Variants in CUX2 observed in about 807,000 individuals in gnomAD.
CUX2 encodes homeobox protein cut-like 2.
In CUX2, 40 loss-of-function variants were observed where a neutral mutation model predicts 144.8. The observed-to-expected ratio is 0.28, with a 90% CI of 0.21 to 0.36. The LOEUF is 0.36. CUX2 is among the 10% of genes least tolerant of loss of function. CUX2 has a pLI of 1.00. For missense variants in CUX2, 1,615 were observed against 1,994.0 expected, an observed-to-expected ratio of 0.81 and a Z score of 3.62; for synonymous variants, 827 against 875.6, an observed-to-expected ratio of 0.94 and a Z score of 0.98.
At chr12:111,200,955 G>A (rs1348801815) in intron 1 of CUX2, among the ~76,000 whole-genome samples, 3 of 152,140 alleles carry the variant, frequency 2.0e-5, no homozygotes, top group East Asian at 1.9e-4. Context: ...GTAAACCCTC[G>A]AGGCATCCTT....
intron 1 of CUX2, among the ~76,000 whole-genome samples, chr12:111,163,218 G>A (rs2136154262): frequency 6.6e-6 from 1 of 152,196 alleles, no homozygotes; most frequent in Non-Finnish European, 1.5e-5. Context: ...ACTATATCTG[G>A]CATATAGTAC....
chr12:111,038,708 C>G (rs561203698), intron 1 of CUX2, among the ~76,000 whole-genome samples: 1 of 152,368 alleles, frequency 6.6e-6, no homozygotes, highest in Non-Finnish European at 1.5e-5. Context: ...CAAAAACGGG[C>G]TCTCTCTTTG....
chr12:111,253,193 C>T (rs988357162), intron 3 of CUX2, among the ~76,000 whole-genome samples: 5 of 152,126 alleles, frequency 3.3e-5, no homozygotes, highest in African/African-American at 7.2e-5. Context: ...TGTTAAAACG[C>T]GTGTCAGATC....
In CUX2 at chr12:111,322,402, C is replaced by T. The variant is rs1431865711; in HGVS notation, c.2767-19C>T. On this transcript the variant is annotated intron_variant, in intron 17 of 21. Transcript: ENST00000261726. This position sits in a 1 kb window ranked among gnomAD's most constrained non-coding sequence, Gnocchi z 4.2. Reference sequence around the variant, plus strand: ...TCCCAGGGGCCTGCTGACCTACCCCCCTGGCCCGCCCCTCGCAGGTGCTGG... The same window carrying T: ...TCCCAGGGGCCTGCTGACCTACCCCTCTGGCCCGCCCCTCGCAGGTGCTGG... 3.2e-6 allele frequency: 5 copies of T among 1,545,264 alleles called. No individual in the cohort carries two copies. Among genetic ancestry groups the T allele is most frequent in the Admixed American group, 2.0e-5 (1 of 50,802 alleles).
intron 18 of CUX2, among the ~76,000 whole-genome samples, chr12:111,324,433 G>A (rs1887680169): frequency 6.6e-6 from 1 of 151,860 alleles, no homozygotes; most frequent in African/African-American, 2.4e-5. Flanking sequence ...GGCAGGGAGG[G>A]GGCCAGGAAG....
chr12:111,219,986 A>G (rs1479480111), intron 3 of CUX2, among the ~76,000 whole-genome samples: 1 of 152,132 alleles, frequency 6.6e-6, no homozygotes, highest in Non-Finnish European at 1.5e-5. Context: ...TCTATTAAAA[A>G]TACAAAAATT....
At chr12:111,259,915 G>A (rs1005319784) in intron 3 of CUX2, among the ~76,000 whole-genome samples, 1 of 151,858 alleles carries the variant, frequency 6.6e-6, no homozygotes, top group Non-Finnish European at 1.5e-5. Context: ...AAAATTATTG[G>A]CTTTGGGAGG....
At chr12:111,316,638 C>G (rs998578009) in intron 16 of CUX2, among the ~76,000 whole-genome samples, 1 of 151,764 alleles carries the variant, frequency 6.6e-6, no homozygotes, top group Non-Finnish European at 1.5e-5. Context: ...TTAGTAGAGA[C>G]GGGGTTTCAC....
In CUX2 at chr12:111,067,924, C is replaced by T. The variant is rs925957498; in HGVS notation, c.63+33684C>T. Reference sequence around the variant, plus strand: ...TGAACCACCCTGAGAAATAAGGTCCCGCGCAGAGCTTCAGCAGATGTGGAA... The same window carrying T: ...TGAACCACCCTGAGAAATAAGGTCCTGCGCAGAGCTTCAGCAGATGTGGAA... On this transcript the variant is annotated intron_variant, in intron 1 of 21. Transcript: ENST00000261726. Among the ~76,000 whole-genome samples the T allele has an allele frequency of 3.9e-5, 6 of 152,130 alleles. No homozygotes were observed. The South Asian group carries it at 6.2e-4, about 16-fold the overall frequency.
intron 3 of CUX2, among the ~76,000 whole-genome samples, chr12:111,228,676 G>A (rs1049532569): frequency 2.6e-5 from 4 of 151,800 alleles, no homozygotes; most frequent in African/African-American, 9.7e-5. Context: ...CACTTGCCTC[G>A]GCCTCCCCAA....
intron 2 of CUX2, among the ~76,000 whole-genome samples, chr12:111,216,783 T>C (rs1295099297): frequency 1.4e-5 from 2 of 145,106 alleles, no homozygotes; most frequent in East Asian, 5.9e-4. Flanking sequence ...CATACATCAG[T>C]CTATCAATCA....
At chr12:111,326,672 G>C (rs1592972683) in intron 18 of CUX2, among the ~76,000 whole-genome samples, 1 of 152,178 alleles carries the variant, frequency 6.6e-6, no homozygotes, top group East Asian at 1.9e-4. Context: ...GGGAGGCCGA[G>C]GCGGGCCGAT....
In CUX2 at chr12:111,182,247, G is replaced by T. The variant is rs534225051; in HGVS notation, c.64-31953G>T. 2.0e-5 allele frequency among the ~76,000 whole-genome samples: 3 copies of T among 152,326 alleles called. No homozygotes were observed. In the South Asian group the frequency reaches 6.2e-4, roughly 32 times the overall value. On this transcript the variant is annotated intron_variant, in intron 1 of 21. Coordinates refer to ENST00000261726, the MANE Select transcript of CUX2 (RefSeq NM_015267.4). ...TAGGGCCCCGGGGAGGTTATCCATAGTGATCAGAGCTCAAAGGTTGGCACC... is the reference window on the plus strand; with the variant it reads ...TAGGGCCCCGGGGAGGTTATCCATATTGATCAGAGCTCAAAGGTTGGCACC...
At chr12:111,067,939 C>G (rs750289192) in intron 1 of CUX2, among the ~76,000 whole-genome samples, 6 of 152,192 alleles carry the variant, frequency 3.9e-5, no homozygotes, top group Non-Finnish European at 8.8e-5. Flanking sequence ...AGAGCTTCAG[C>G]AGATGTGGAA....
intron 3 of CUX2, among the ~76,000 whole-genome samples, chr12:111,261,028 T>C (rs1592894479): frequency 1.3e-5 from 2 of 152,332 alleles, no homozygotes; most frequent in African/African-American, 4.8e-5. Context: ...GCAGCTGTAG[T>C]TGGCTTGTAA....
In CUX2 at chr12:111,295,337, C is replaced by T. The variant is rs1885916043; in HGVS notation, c.565C>T (p.Leu189Phe). 6.2e-7 allele frequency: 1 copy of T among 1,612,704 alleles called. No individual in the cohort carries two copies. Among genetic ancestry groups the T allele is most frequent in the Non-Finnish European group, 8.5e-7 (1 of 1,179,472 alleles). ...QRNEAEKQKG[L>F]QEVQITLAAR... ...GCAGGCCTCGTCTCTCCGCAGGGGC[C>T]TTCAAGAAGTACAGATCACTTTGGC... Residue 189 changes from leucine (L) to phenylalanine (F), a missense_variant, in exon 7 of 22, where the codon CTT becomes TTT. Leu to Phe is a conservative substitution (Grantham distance 22, BLOSUM62 0). This residue lies in a region of CUX2 where 295 missense variants were observed against 400.2 expected (regional missense o/e 0.74). Coordinates refer to ENST00000261726, the MANE Select transcript of CUX2 (RefSeq NM_015267.4). This position sits in a 1 kb window ranked among gnomAD's most constrained non-coding sequence, Gnocchi z 5.0.
chr12:111,250,858 A>C (rs1223790604), intron 3 of CUX2, among the ~76,000 whole-genome samples: 1 of 152,214 alleles, frequency 6.6e-6, no homozygotes, highest in East Asian at 1.9e-4. Flanking sequence ...CCCAGAGCCC[A>C]TGAAAGTGGA....
At chr12:111,302,913 A>G (rs1205865846) in intron 9 of CUX2, among the ~76,000 whole-genome samples, 6 of 148,524 alleles carry the variant, frequency 4.0e-5, no homozygotes, top group East Asian at 2.0e-4. Flanking sequence ...AAAAAAAAAA[A>G]AAAAAGAAAA....
In CUX2 at chr12:111,171,714, C is replaced by T. The variant is rs1878533711; in HGVS notation, c.64-42486C>T. Among the ~76,000 whole-genome samples the T allele has an allele frequency of 2.6e-5, 4 of 152,214 alleles. No individual in the cohort carries two copies. The South Asian group carries it at 8.3e-4, about 32-fold the overall frequency. ...TTAGGGGCTCAGTGTCACCTTTGTCCAGTGCCTGAGCTGAGAACAGGGCTC... is the reference window on the plus strand; with the variant it reads ...TTAGGGGCTCAGTGTCACCTTTGTCTAGTGCCTGAGCTGAGAACAGGGCTC... On this transcript the variant is annotated intron_variant, in intron 1 of 21. Coordinates refer to ENST00000261726, the MANE Select transcript of CUX2 (RefSeq NM_015267.4). This position sits in a 1 kb window ranked among gnomAD's most constrained non-coding sequence, Gnocchi z 5.0.
Sources: allele counts gnomAD v4.1 joint callset (sites outside exome capture counted in the v4.1 genomes callset), GRCh38; gene constraint gnomAD v4.1.1; regional missense constraint gnomAD v4.1.1; non-coding constraint Gnocchi (gnomAD v3.1); transcripts MANE v1.5; gene names NCBI Gene and HGNC (gene_info 2026-07-23, HGNC 2026-07-21).